SLC26A5: variants seen among roughly 807,000 people sequenced by gnomAD.
SLC26A5 encodes solute carrier family 26 member 5, also known as prestin.
SLC26A5 carries 51 observed loss-of-function variants against 81.0 expected under a neutral mutation model. The observed-to-expected ratio is 0.63, with a 90% CI of 0.50 to 0.80. The LOEUF is 0.80. Among genes scored for constraint, SLC26A5 ranks in the 30% least tolerant of loss-of-function variants. SLC26A5 has a pLI of 0.00. For missense variants in SLC26A5, 771 were observed against 905.8 expected, an observed-to-expected ratio of 0.85 and a Z score of 1.91; for synonymous variants, 325 against 332.8, an observed-to-expected ratio of 0.98 and a Z score of 0.25.
chr7:103,400,177 A>T (rs1164796186), intron 8 of SLC26A5, among the ~76,000 whole-genome samples: 2 of 152,038 alleles, frequency 1.3e-5, no homozygotes, highest in Non-Finnish European at 2.9e-5. Flanking sequence ...ACTAATTTAC[A>T]CTCCCACCAA....
intron 4 of SLC26A5, among the ~76,000 whole-genome samples, chr7:103,415,403 A>G (rs1429261142): frequency 6.6e-6 from 1 of 152,092 alleles, no homozygotes. Flanking sequence ...CTAAATCATC[A>G]TTCTCAAAGG....
intron 2 of SLC26A5, among the ~76,000 whole-genome samples, chr7:103,431,466 G>T (rs1254289805): frequency 6.6e-6 from 1 of 152,046 alleles, no homozygotes; most frequent in Non-Finnish European, 1.5e-5. Flanking sequence ...GGGATCACAG[G>T]CATGTGCCAC....
rs571701312 is a variant in SLC26A5, at chr7:103,425,561, A to G, written c.-53-3994T>C. Among the ~76,000 whole-genome samples, 7 of 152,328 alleles carry G rather than the reference A, an allele frequency of 4.6e-5. No individual in the cohort carries two copies. In the East Asian group the frequency reaches 1.3e-3, roughly 29 times the overall value. ...AATTATAGATGTTGAAGAAATTAAT[A>G]CTGAATCAGTGACAAGATTAAAGCC... is the stretch of plus-strand genomic sequence containing the variant. On this transcript the variant is annotated intron_variant, in intron 2 of 19. Coordinates refer to ENST00000306312, the MANE Select transcript of SLC26A5 (RefSeq NM_198999.3).
chr7:103,388,004 A>G (rs1343598403), intron 14 of SLC26A5, among the ~76,000 whole-genome samples: 1 of 151,844 alleles, frequency 6.6e-6, no homozygotes, highest in African/African-American at 2.4e-5. Flanking sequence ...TTCTATGACA[A>G]TGTTTCCTTT....
chr7:103,354,825 T>C (rs775610205), intron 19 of SLC26A5: 1 of 1,248,238 alleles, frequency 8.0e-7, no homozygotes, highest in Admixed American at 1.9e-5. Flanking sequence ...TAATAAATGG[T>C]TGATATCCTG....
rs567622297 is a variant in SLC26A5 at position 103,382,571 on chromosome 7, A to T, written c.1515-2022T>A. Among the ~76,000 whole-genome samples the T allele has an allele frequency of 2.0e-4, 31 of 151,984 alleles. No homozygotes were observed. In the East Asian group the frequency reaches 5.6e-3, roughly 28 times the overall value. On this transcript the variant is annotated intron_variant, in intron 14 of 19. Transcript: ENST00000306312. ...CACCATGTTGGCCAGGCTGGTCTCA[A>T]ACTCCTGACCTCAAGTCATCTACCC...
chr7:103,425,468 A>G (rs1341580741), intron 2 of SLC26A5, among the ~76,000 whole-genome samples: 5 of 152,144 alleles, frequency 3.3e-5, no homozygotes, highest in Non-Finnish European at 7.3e-5. Context: ...TTAGAATCTG[A>G]GAGAGAGAGA....
chr7:103,357,949 C>T (rs781410035), intron 19 of SLC26A5, among the ~76,000 whole-genome samples: 14 of 152,134 alleles, frequency 9.2e-5, no homozygotes, highest in Admixed American at 2.0e-4. Flanking sequence ...CACCTTCTGA[C>T]CTGCTTTGGT....
chr7:103,425,185 C>T (rs1030986324), intron 2 of SLC26A5, among the ~76,000 whole-genome samples: 1 of 152,132 alleles, frequency 6.6e-6, no homozygotes, highest in African/African-American at 2.4e-5. Context: ...CCTCAAAATT[C>T]CTTCTATTTC....
intron 15 of SLC26A5, 45 bp downstream of exon 15, chr7:103,380,435 C>T (rs748514643): frequency 1.1e-5 from 16 of 1,503,346 alleles, no homozygotes; most frequent in Non-Finnish European, 1.4e-5. Context: ...TAGCCAAGCA[C>T]ATCACATGCT....
intron 8 of SLC26A5, among the ~76,000 whole-genome samples, chr7:103,401,072 A>C (rs1486971618): frequency 6.6e-6 from 1 of 152,160 alleles, no homozygotes; most frequent in African/African-American, 2.4e-5. Context: ...GTGAAATTTA[A>C]AGTAGTTTTT....
intron 19 of SLC26A5, chr7:103,361,892 A>G: frequency 6.8e-7 from 1 of 1,469,412 alleles, no homozygotes; most frequent in South Asian, 1.3e-5. Context: ...GATATAATCT[A>G]GTTAGTTGAA....
At chr7:103,391,491 T>G in intron 11 of SLC26A5, 131 bp downstream of exon 11, 3 of 746,156 alleles carry the variant, frequency 4.0e-6, no homozygotes, top group Non-Finnish European at 7.1e-6. Flanking sequence ...TTTCTCTGAT[T>G]CCCTACACAG....
At chr7:103,398,772 C>T (rs1194325835) in intron 8 of SLC26A5, among the ~76,000 whole-genome samples, 3 of 152,186 alleles carry the variant, frequency 2.0e-5, no homozygotes, top group African/African-American at 7.2e-5. Flanking sequence ...GGAAGGAAGC[C>T]AGCCCCTCCT....
chr7:103,369,654 G>GC (rs1820915309), downstream of SLC26A5, among the ~76,000 whole-genome samples: 1 of 152,204 alleles, frequency 6.6e-6, no homozygotes, highest in African/African-American at 2.4e-5. Context: ...TACTCAAAGA[G>GC]ATGAAACAGA....
At chr7:103,354,865 T>C (rs1819943797) in intron 19 of SLC26A5, 1 of 1,603,868 alleles carries the variant, frequency 6.2e-7, no homozygotes, top group African/African-American at 1.3e-5. Context: ...CTTCATCACC[T>C]AGGGTCAGAG....
chr7:103,424,178 C>A (rs1225812182), intron 2 of SLC26A5, among the ~76,000 whole-genome samples: 2 of 152,210 alleles, frequency 1.3e-5, no homozygotes, highest in African/African-American at 2.4e-5. Context: ...TTCACTCCTT[C>A]CATTTTCCCC....
chr7:103,379,478 CAGA>C, intron 15 of SLC26A5, 143 bp from the exon 16 acceptor site: 1 of 456,246 alleles, frequency 2.2e-6, no homozygotes, highest in Non-Finnish European at 3.8e-6. Context: ...ATGTCACACA[CAGA>C]CCAAAAAAAA....
chr7:103,369,227 C>T (rs1489283815), downstream of SLC26A5: 1 of 152,102 alleles, frequency 6.6e-6, no homozygotes, highest in African/African-American at 2.4e-5. Flanking sequence ...TTTTTATGAA[C>T]TTGATCAGAA....
Sources: allele counts gnomAD v4.1 joint callset (sites outside exome capture counted in the v4.1 genomes callset), GRCh38; gene constraint gnomAD v4.1.1; transcripts MANE v1.5; gene names NCBI Gene and HGNC (gene_info 2026-07-23, HGNC 2026-07-21).